The following GFPT2 variants were observed in gnomAD, a reference collection of about 807,000 sequenced individuals.
The protein encoded by GFPT2 is glutamine--fructose-6-phosphate transaminase 2.
Under a neutral mutation model 85.6 loss-of-function variants are expected in GFPT2, and 62 were observed. The observed-to-expected ratio is 0.72, with a 90% CI of 0.59 to 0.90. The LOEUF (loss-of-function observed/expected upper bound fraction) is 0.90. Among genes scored for constraint, GFPT2 ranks in the 40% least tolerant of loss-of-function variants. The pLI, the probability that GFPT2 is intolerant of heterozygous loss-of-function variation, is 0.00. For missense variants in GFPT2, 788 were observed against 893.4 expected (o/e 0.88, Z 1.50); for synonymous variants, 368 against 344.5 (o/e 1.07, Z -0.75).
At chr5:180,302,019 G>A (rs1362676577) in intron 18 of GFPT2, among the ~76,000 whole-genome samples, 6 of 151,206 alleles carry the variant, frequency 4.0e-5, no homozygotes, top group Admixed American at 6.6e-5. Flanking sequence ...GGCCGGGTGC[G>A]GTGGCTCACA....
At chr5:180,314,052 G>A in intron 13 of GFPT2, 88 bp from the exon 14 acceptor site, 1 of 1,341,508 alleles carries the variant, frequency 7.5e-7, no homozygotes, top group Non-Finnish European at 9.9e-7. Flanking sequence ...GGCTCTTACA[G>A]GGAAATCGGC....
chr5:180,302,424 T>A lies in GFPT2; in HGVS notation c.2003A>T (p.Asp668Val), dbSNP rs1419104367. The change falls in exon 18 of 19, where the codon GAC becomes GTC. Residue 668 changes from aspartate to valine, a missense_variant and splice_region_variant. Coordinates refer to ENST00000253778, the MANE Select transcript of GFPT2 (RefSeq NM_005110.4). ...SFHLAVLRGY[D>V]VDFPRNLAKS... is the part of the protein sequence containing the mutation. ...GTTAGGTGCAGTTTTTAGACGCACG[T>A]CATATCCTCGGAGAACAGCCAGGTG... 6.2e-7 allele frequency: 1 copy of A among 1,612,994 alleles called. No homozygotes were observed. Among genetic ancestry groups the A allele is most frequent in the South Asian group, 1.1e-5 (1 of 91,044 alleles).
At chr5:180,312,230 C>T (rs893880959) in intron 15 of GFPT2, among the ~76,000 whole-genome samples, 200 bp downstream of exon 15, 5 of 105,570 alleles carry the variant, frequency 4.7e-5, no homozygotes, top group Admixed American at 1.0e-4. Flanking sequence ...AGGGAGGCAG[C>T]GCGGCAGCGC....
At chr5:180,340,061 G>T (rs926452103) in intron 1 of GFPT2, among the ~76,000 whole-genome samples, 1 of 152,190 alleles carries the variant, frequency 6.6e-6, no homozygotes. Flanking sequence ...TCACAGTTCT[G>T]GAGGCCGAGA....
intron 9 of GFPT2, 60 bp from the exon 10 acceptor site, chr5:180,319,016 C>T: frequency 1.9e-6 from 3 of 1,541,108 alleles, no homozygotes; most frequent in Non-Finnish European, 2.7e-6. Context: ...GAGGCAGCAG[C>T]CCCTTGCTGG....
chr5:180,317,758 CAAA>C (rs11356791), intron 10 of GFPT2, among the ~76,000 whole-genome samples: 8 of 83,182 alleles, frequency 9.6e-5, no homozygotes, highest in Non-Finnish European at 1.1e-4. Flanking sequence ...GACTCCGTCT[CAAA>C]AAAAAAAAAA....
chr5:180,352,704 A>AAG, intron 1 of GFPT2: 1 of 416,486 alleles, frequency 2.4e-6, no homozygotes, highest in Non-Finnish European at 4.7e-6. Context: ...GCACTGACGC[A>AAG]GCGGGGGCGA....
At chr5:180,309,622 G>A (rs1763840045) in intron 15 of GFPT2, among the ~76,000 whole-genome samples, 1 of 152,028 alleles carries the variant, frequency 6.6e-6, no homozygotes, top group Admixed American at 6.6e-5. Flanking sequence ...GCGTTGGTCA[G>A]GCTGGTCTCG....
chr5:180,337,693 C>T (rs1260644248), intron 2 of GFPT2, among the ~76,000 whole-genome samples: 2 of 151,970 alleles, frequency 1.3e-5, no homozygotes, highest in East Asian at 1.9e-4. Flanking sequence ...ACAAACACAA[C>T]GCTGCGCATA....
At chr5:180,346,752 C>G (rs1370736345) in intron 1 of GFPT2, among the ~76,000 whole-genome samples, 4 of 152,208 alleles carry the variant, frequency 2.6e-5, no homozygotes, top group Non-Finnish European at 5.9e-5. Context: ...TCCTCTGAAC[C>G]CCTTTTTCCA....
rs1763798231 is a variant in GFPT2, at chr5:180,307,169, G to A, written c.1674+7C>T. 1 of 1,529,056 alleles carries A rather than the reference G, an allele frequency of 6.5e-7. No individual in the cohort carries two copies. The highest frequency in any genetic ancestry group is 1.4e-5 in the African/African-American group (1 of 72,142). 94.7% of individuals were successfully genotyped at this position (1,529,056 alleles called of 1,614,324 possible). On this transcript the variant is annotated splice_region_variant and intron_variant, in intron 16 of 18. Transcript: ENST00000253778. ...CGTGGGGGTGGGGGCTGGGGGTGGG[G>A]GCTCACCAGGGCTCCTTCCAGGCAG...
intron 1 of GFPT2, chr5:180,352,494 C>G (rs1055248058): frequency 4.5e-6 from 2 of 448,548 alleles, no homozygotes; most frequent in Non-Finnish European, 4.5e-6. Context: ...CCCGCAGCCA[C>G]GCGGGACAGC....
chr5:180,308,072 T>C (rs564224950), intron 15 of GFPT2, among the ~76,000 whole-genome samples: 12 of 152,198 alleles, frequency 7.9e-5, no homozygotes, highest in African/African-American at 1.9e-4. Flanking sequence ...CTGGCTAACA[T>C]GGTGAGACCT....
intron 18 of GFPT2, 137 bp downstream of exon 18, chr5:180,302,286 C>CAAA: frequency 3.9e-5 from 20 of 509,680 alleles, no homozygotes; most frequent in Non-Finnish European, 5.1e-5. Context: ...GACTCAATCT[C>CAAA]AAAAAAAAAA....
chr5:180,307,830 G>A (rs1763809001), intron 15 of GFPT2, among the ~76,000 whole-genome samples: 1 of 152,236 alleles, frequency 6.6e-6, no homozygotes, highest in Non-Finnish European at 1.5e-5. Flanking sequence ...ATAACACTGA[G>A]GACCAGGCGT....
rs371457477 is a variant in GFPT2 at position 180,306,481 on chromosome 5, T to C, written c.1674+695A>G. 4.5e-4 allele frequency among the ~76,000 whole-genome samples: 69 copies of C among 152,376 alleles called. 1 individual carries two copies. In the East Asian group the frequency reaches 0.012, roughly 26 times the overall value. ...AGGGCAAGTCCGAGATGCAGGACCC[T>C]GCACGGCTCTCTGCCCACCCTCTGG... On this transcript the variant is annotated intron_variant, in intron 16 of 18. Transcript: ENST00000253778.
At chr5:180,335,463 A>T (rs922057025) in intron 4 of GFPT2, among the ~76,000 whole-genome samples, 5 of 152,216 alleles carry the variant, frequency 3.3e-5, no homozygotes, top group Middle Eastern at 3.4e-3. Context: ...TGAAGGGTAC[A>T]CCCTTCTGCA....
At chr5:180,310,534 C>G in intron 15 of GFPT2, among the ~76,000 whole-genome samples, 1 of 151,870 alleles carries the variant, frequency 6.6e-6, no homozygotes, top group Non-Finnish European at 1.5e-5. Context: ...CCTCAGCCTC[C>G]CGAGTAGCTG....
chr5:180,351,130 C>A (rs569119845), intron 1 of GFPT2, among the ~76,000 whole-genome samples: 2 of 152,304 alleles, frequency 1.3e-5, no homozygotes, highest in East Asian at 1.9e-4. Context: ...TAAATGAATT[C>A]ATGCCAAAAG....
Sources: allele counts gnomAD v4.1 joint callset (sites outside exome capture counted in the v4.1 genomes callset), GRCh38; gene constraint gnomAD v4.1.1; transcripts MANE v1.5; gene names NCBI Gene and HGNC (gene_info 2026-07-23, HGNC 2026-07-21).